Variants in POLM observed in about 807,000 individuals in gnomAD.
POLM encodes the protein DNA polymerase mu.
A neutral mutation model predicts 56.7 loss-of-function variants in POLM; 52 were observed. That is an observed-to-expected ratio of 0.92 (90% CI 0.73 to 1.15). The LOEUF is 1.15. POLM is among the 50% of genes most tolerant of loss of function. The pLI is 0.00. For synonymous variants in POLM, 273 were observed against 274.3 expected, an observed-to-expected ratio of 1.00 and a Z score of 0.05; for missense variants, 660 against 663.6, an observed-to-expected ratio of 0.99 and a Z score of 0.06.
Position 44,078,463 on chromosome 7 carries a change from C to A in POLM, c.714+277G>T, listed in dbSNP as rs1323563215. Reference sequence around the variant, plus strand: ...CCTGGGCGACAGAGCGAGACCCTGTCTCAAAAACAAAATAAAACAAAAAGC... The same window carrying A: ...CCTGGGCGACAGAGCGAGACCCTGTATCAAAAACAAAATAAAACAAAAAGC... On this transcript the variant is annotated intron_variant, in intron 5 of 10. Transcript: ENST00000242248. 1.1e-5 allele frequency: 5 copies of A among 459,164 alleles called. No homozygotes were observed. The East Asian group carries it at 2.0e-4, about 18-fold the overall frequency. 28.4% of individuals were successfully genotyped at this position (459,164 alleles called of 1,614,324 possible).
chr7:44,076,608 C>G lies in POLM; in HGVS notation c.736G>C (p.Val246Leu), dbSNP rs28382653. ...CACCGGTCAGCAGTCTTCACACCGA[C>G]CCCGAAGATCTGGGTGAAGAGCTGT... is the stretch of plus-strand genomic sequence containing the variant. Reference protein sequence around the residue: ...TMKLFTQIFGVGVKTADRWYR... With the variant: ...TMKLFTQIFGLGVKTADRWYR... The change falls in exon 6 of 11, where the codon GTC becomes CTC. Residue 246 changes from valine (V) to leucine (L), a missense_variant. Coordinates refer to ENST00000242248, the MANE Select transcript of POLM (RefSeq NM_013284.4). 6.2e-7 allele frequency: 1 copy of G among 1,613,934 alleles called. No individual in the cohort carries two copies. Among genetic ancestry groups the G allele is most frequent in the African/African-American group, 1.3e-5 (1 of 74,922 alleles).
In POLM at chr7:44,073,098, C is replaced by T. The variant is rs753689146; in HGVS notation, c.*193G>A. On this transcript the variant is annotated 3_prime_UTR_variant, in exon 11 of 11. Coordinates refer to ENST00000242248, the MANE Select transcript of POLM (RefSeq NM_013284.4). ...TGAGGCTGGCACTGAGGGCTCCCAC[C>T]TCATCACACCCTGCAGCACACCAGC... 6.8e-7 allele frequency: 1 copy of T among 1,463,092 alleles called. No homozygotes were observed. Among genetic ancestry groups the T allele is most frequent in the Non-Finnish European group, 9.0e-7 (1 of 1,109,656 alleles). The allele number at this position is 1,463,092 out of a possible 1,614,324, so 90.6% of individuals were successfully genotyped here.
intron 5 of POLM, among the ~76,000 whole-genome samples, chr7:44,078,111 G>C (rs1051080261): frequency 3.3e-5 from 5 of 152,232 alleles, no homozygotes; most frequent in Non-Finnish European, 7.3e-5. Flanking sequence ...GGGTACATTT[G>C]GTTCACAGTG....
intron 6 of POLM, 130 bp from the exon 7 acceptor site, chr7:44,074,660 T>C (rs920734672): frequency 2.9e-6 from 3 of 1,031,274 alleles, no homozygotes; most frequent in Non-Finnish European, 4.1e-6. Flanking sequence ...CCGAGGAAGG[T>C]GAGGCTAGGG....
Position 44,073,002 on chromosome 7 carries a change from A to G in POLM, c.*289T>C, listed in dbSNP as rs7778884. On this transcript the variant is annotated 3_prime_UTR_variant, in exon 11 of 11. Coordinates refer to ENST00000242248, the MANE Select transcript of POLM (RefSeq NM_013284.4). The stretch of plus-strand genomic sequence containing the variant: ...ACCACAGCTCCACGATGTGGGCCCC[A>G]CTCACATCCCATCCAGGGCAGGAAC... 0.24 allele frequency: 253,536 copies of G among 1,065,952 alleles called. 32,085 individuals are homozygous for G. Among genetic ancestry groups the G allele is most frequent in the African/African-American group, 0.41 (25,673 of 62,550 alleles). The allele number at this position is 1,065,952 out of a possible 1,614,324, so 66.0% of individuals were successfully genotyped here. A position where few individuals can be genotyped will look rare whatever the true frequency, so the allele number is the denominator to read the frequency against.
In POLM at chr7:44,074,043, C is replaced by T. The variant is rs368150115; in HGVS notation, c.1072-18G>A. ...ATGAGGCCCTGTGGGGAGAGGCGGG[C>T]GTGGCTGAGACCATCCGGTGGTGTG... On this transcript the variant is annotated intron_variant, in intron 8 of 10. Coordinates refer to ENST00000242248, the MANE Select transcript of POLM (RefSeq NM_013284.4). 3.7e-5 allele frequency: 60 copies of T among 1,610,946 alleles called. No individual in the cohort carries two copies. Among genetic ancestry groups the T allele is most frequent in the Non-Finnish European group, 4.7e-5 (56 of 1,179,698 alleles).
rs750352242 is a variant in POLM at position 44,082,317 on chromosome 7, C to A, written c.122G>T (p.Arg41Leu). 5 of 1,556,760 alleles carry A rather than the reference C, an allele frequency of 3.2e-6. No individual in the cohort carries two copies. The highest frequency in any genetic ancestry group is 2.8e-5 in the African/African-American group (2 of 70,558). ...GCCTGTGAGGAAGGCCCGGCGGCTG[C>A]GACCCATGCGAGGCTCGACCAGGTA... The part of the protein sequence containing the change: ...AIYLVEPRMG[R>L]SRRAFLTGLA... The change falls in exon 1 of 11, where the codon CGC (arginine) becomes CTC (leucine). Residue 41 changes from arginine to leucine, a missense_variant. Transcript: ENST00000242248.
chr7:44,078,345 A>G, intron 5 of POLM: 1 of 190,378 alleles, frequency 5.3e-6, no homozygotes, highest in Non-Finnish European at 1.1e-5. Context: ...ACATGCCTGT[A>G]GTCCCAGCTA....
chr7:44,081,433 GT>G (rs2096199543), intron 1 of POLM, among the ~76,000 whole-genome samples: 1 of 152,240 alleles, frequency 6.6e-6, no homozygotes, highest in African/African-American at 2.4e-5. Context: ...CCTCTCCTGA[GT>G]GGGTCTGGCG....
At position 44,076,590 on chromosome 7, in the gene POLM, C is replaced by T; in HGVS notation, c.754G>A (p.Asp252Asn). 1.2e-6 allele frequency: 2 copies of T among 1,614,100 alleles called. No individual in the cohort carries two copies. Among genetic ancestry groups the T allele is most frequent in the Non-Finnish European group, 1.7e-6 (2 of 1,180,030 alleles). ...CGCAGTCCTTCCCGGTACCACCGGT[C>T]AGCAGTCTTCACACCGACCCCGAAG... ...QIFGVGVKTADRWYREGLRTL... is the reference protein window; with the variant it reads ...QIFGVGVKTANRWYREGLRTL... The change falls in exon 6 of 11, where the codon GAC becomes AAC. Residue 252 changes from aspartate to asparagine, a missense_variant. Physicochemically the swap from Asp to Asn is conservative, Grantham distance 23 (BLOSUM62 1). Coordinates refer to ENST00000242248, the MANE Select transcript of POLM (RefSeq NM_013284.4).
Position 44,076,589 on chromosome 7 carries a change from T to C in POLM, c.755A>G (p.Asp252Gly). 2.5e-6 allele frequency: 4 copies of C among 1,614,058 alleles called. No homozygotes were observed. The highest frequency in any genetic ancestry group is 3.4e-6 in the Non-Finnish European group (4 of 1,179,996). ...QIFGVGVKTADRWYREGLRTL... is the reference protein window; with the variant it reads ...QIFGVGVKTAGRWYREGLRTL... ...TCGCAGTCCTTCCCGGTACCACCGG[T>C]CAGCAGTCTTCACACCGACCCCGAA... The change falls in exon 6 of 11, where the codon GAC (aspartate) becomes GGC (glycine). Residue 252 changes from aspartate (D) to glycine (G), a missense_variant. By Grantham distance (94) the Asp-to-Gly change is moderately conservative (BLOSUM62 -1). Transcript: ENST00000242248.
At chr7:44,073,464 C>G (rs749197653) in intron 10 of POLM, 87 bp from the exon 11 acceptor site, 1 of 1,579,230 alleles carries the variant, frequency 6.3e-7, no homozygotes, top group East Asian at 2.3e-5. Context: ...AAGAGCCCAG[C>G]GCCGAGGTGG....
chr7:44,080,336 A>G (rs1398850847), intron 2 of POLM: 2 of 540,892 alleles, frequency 3.7e-6, no homozygotes, highest in African/African-American at 3.8e-5. Flanking sequence ...CAGGATTTGA[A>G]GGCAGGCAAC....
Position 44,079,655 on chromosome 7 carries a change from G to A in POLM, c.558C>T (p.Leu186=). The A allele has an allele frequency of 3.7e-6, 6 of 1,613,754 alleles. No homozygotes were observed. The highest frequency in any genetic ancestry group is 4.2e-6 in the Non-Finnish European group (5 of 1,179,902). Residue 186 remains leucine (L), a synonymous_variant, in exon 4 of 11, where the codon CTC becomes CTT. Transcript: ENST00000242248. Reference sequence around the variant, plus strand: ...TTGTGACAGGGCTGGGAAGGGCCTTGAGCACCGAGGCTGCTCTGCAGAAGG... The same window carrying A: ...TTGTGACAGGGCTGGGAAGGGCCTTAAGCACCGAGGCTGCTCTGCAGAAGG... ...LLTFCRAASV[L]KALPSPVTTL...
chr7:44,076,336 A>G lies in POLM; in HGVS notation c.835+173T>C, dbSNP rs565286098. ...TGTGGTCAGCATCGTCCACTGAGAAAAGGCTTTGATAGATCCTGACTGCAC... is the reference window on the plus strand; with the variant it reads ...TGTGGTCAGCATCGTCCACTGAGAAGAGGCTTTGATAGATCCTGACTGCAC... On this transcript the variant is annotated intron_variant, in intron 6 of 10. Coordinates refer to ENST00000242248, the MANE Select transcript of POLM (RefSeq NM_013284.4). 6.5e-5 allele frequency: 45 copies of G among 695,626 alleles called. No individual in the cohort carries two copies. In the East Asian group the frequency reaches 1.2e-3, roughly 18 times the overall value. 43.1% of individuals were successfully genotyped at this position (695,626 alleles called of 1,614,324 possible).
Position 44,082,488 on chromosome 7 carries a change from A to C in POLM, c.-50T>G, listed in dbSNP as rs1315221421. The C allele has an allele frequency of 2.7e-6, 2 of 750,792 alleles. No individual in the cohort carries two copies. Among genetic ancestry groups the C allele is most frequent in the African/African-American group, 2.2e-5 (1 of 44,538 alleles). The allele number at this position is 750,792 out of a possible 1,614,324, so 46.5% of individuals were successfully genotyped here. ...GGAGCGAACGCAGAGGGAAACTCCGAGCGAGACGGAAGGAAGCCCCAGTGA... is the reference window on the plus strand; with the variant it reads ...GGAGCGAACGCAGAGGGAAACTCCGCGCGAGACGGAAGGAAGCCCCAGTGA... On this transcript the variant is annotated 5_prime_UTR_variant, in exon 1 of 11. Transcript: ENST00000242248.
intron 6 of POLM, among the ~76,000 whole-genome samples, chr7:44,074,935 T>C (rs1380861889): frequency 1.3e-5 from 2 of 152,250 alleles, no homozygotes; most frequent in African/African-American, 4.8e-5. Context: ...TCCTTATGCA[T>C]AAAGTGGGAC....
chr7:44,079,949 GGCC>G lies in POLM; in HGVS notation c.380_382del (p.Gly127_Pro128delinsAla). 1 of 1,612,864 alleles carries G rather than the reference GGCC, an allele frequency of 6.2e-7. No individual in the cohort carries two copies. The highest frequency in any genetic ancestry group is 8.5e-7 in the Non-Finnish European group (1 of 1,179,434). The stretch of plus-strand genomic sequence containing the variant: ...TGCTGGGCTCAGAGGCCCCTTCCTT[GGCC>G]CAGCCACCTGGGGATGGGCAATAAA... On this transcript the variant is annotated inframe_deletion, in exon 3 of 11. Transcript: ENST00000242248.
intron 5 of POLM, among the ~76,000 whole-genome samples, chr7:44,077,899 T>C (rs1218723514): frequency 2.0e-5 from 3 of 152,292 alleles, no homozygotes; most frequent in Admixed American, 6.5e-5. Context: ...ACAAAGCCAG[T>C]TGGCAGAAGG....
Sources: gnomAD v4.1 joint callset for allele counts (sites outside exome capture counted in the v4.1 genomes callset) on GRCh38, gnomAD v4.1.1 for gene constraint, MANE v1.5 for transcripts, NCBI Gene and HGNC (gene_info 2026-07-23, HGNC 2026-07-21) for gene names.